Variants in MAP2K1 observed in about 807,000 individuals in gnomAD.
MAP2K1 encodes the protein mitogen-activated protein kinase kinase 1, also known as dual specificity mitogen-activated protein kinase kinase 1.
A neutral mutation model predicts 46.3 loss-of-function variants in MAP2K1; 16 were observed. That is an observed-to-expected ratio of 0.35 (90% CI 0.23 to 0.52). MAP2K1 has a LOEUF of 0.52. Among genes scored for constraint, MAP2K1 ranks in the 20% least tolerant of loss-of-function variants. MAP2K1 has a pLI of 0.94. For missense variants in MAP2K1, 263 were observed against 497.1 expected (o/e 0.53, Z 4.48); for synonymous variants, 183 against 185.6 (o/e 0.99, Z 0.11).
At chr15:66,490,401 AG>A (rs1165914393) in intron 10 of MAP2K1, 100 bp from the exon 11 acceptor site, 1 of 885,384 alleles carries the variant, frequency 1.1e-6, no homozygotes, top group African/African-American at 1.6e-5. Context: ...TTCCAAGTGC[AG>A]CACAAGCTCT....
chr15:66,482,698 AGG>A (rs1034629446), intron 6 of MAP2K1, among the ~76,000 whole-genome samples: 1 of 152,150 alleles, frequency 6.6e-6, no homozygotes, highest in Non-Finnish European at 1.5e-5. Flanking sequence ...GGCATGTGGT[AGG>A]TGTTCAGGGA....
At chr15:66,404,797 AAATC>A (rs1161949080) in intron 1 of MAP2K1, among the ~76,000 whole-genome samples, 1 of 152,094 alleles carries the variant, frequency 6.6e-6, no homozygotes, top group Non-Finnish European at 1.5e-5. Flanking sequence ...TGGTGAGCGG[AAATC>A]AGTGGTTCCT....
intron 4 of MAP2K1, 96 bp from the exon 5 acceptor site, chr15:66,444,560 T>A (rs1259783260): frequency 4.2e-6 from 4 of 949,282 alleles, no homozygotes; most frequent in South Asian, 2.6e-5. Context: ...TTTGTGATGA[T>A]GATAAATGAA....
At chr15:66,451,986 A>C (rs1178991028) in intron 5 of MAP2K1, among the ~76,000 whole-genome samples, 3 of 24,594 alleles carry the variant, frequency 1.2e-4, no homozygotes, top group African/African-American at 4.1e-4. Context: ...TGTCCTTTGT[A>C]GGGACATGGA....
At chr15:66,486,764 G>A (rs908010712) in intron 7 of MAP2K1, among the ~76,000 whole-genome samples, 42 of 152,312 alleles carry the variant, frequency 2.8e-4, no homozygotes, top group African/African-American at 9.1e-4. Flanking sequence ...GAAAGCAGAG[G>A]GGGCTAGAGG....
rs916502006 is a variant in MAP2K1 at position 66,387,390 on chromosome 15, C to T, written c.43C>T (p.Pro15Ser). Residue 15 changes from proline (P) to serine (S), a missense_variant, in exon 1 of 11, where the codon CCC becomes TCC. Around this residue, in one of 4 missense-constraint regions of MAP2K1, gnomAD observed 31 missense variants for 29.9 expected, o/e 1.04. Coordinates refer to ENST00000307102, the MANE Select transcript of MAP2K1 (RefSeq NM_002755.4). ...KPTPIQLNPA[P>S]DGSAVNGTSS... ...GACGCCCATCCAGCTGAACCCGGCC[C>T]CCGACGGCTCTGCAGTTAACGGGAC... is the stretch of plus-strand genomic sequence containing the variant. 6.4e-7 allele frequency: 1 copy of T among 1,566,126 alleles called. No homozygotes were observed. Among genetic ancestry groups the T allele is most frequent in the Non-Finnish European group, 8.7e-7 (1 of 1,154,648 alleles).
intron 1 of MAP2K1, among the ~76,000 whole-genome samples, chr15:66,399,281 A>G (rs2093375877): frequency 6.6e-6 from 1 of 152,216 alleles, no homozygotes; most frequent in Non-Finnish European, 1.5e-5. Flanking sequence ...GTATGTTTGA[A>G]AAAAATTTGT....
chr15:66,489,453 A>G (rs2140683626), intron 9 of MAP2K1, 177 bp downstream of exon 9: 1 of 694,868 alleles, frequency 1.4e-6, no homozygotes, highest in Non-Finnish European at 2.6e-6. Flanking sequence ...CTTATGTGGC[A>G]TGTCTAACTA....
intron 1 of MAP2K1, among the ~76,000 whole-genome samples, chr15:66,410,923 A>G (rs1414764724): frequency 2.0e-5 from 3 of 152,318 alleles, no homozygotes; most frequent in East Asian, 1.9e-4. Context: ...TTGATGTCCC[A>G]TCTCCCGCCC....
chr15:66,436,600 T>A, intron 2 of MAP2K1, 146 bp from the exon 3 acceptor site: 1 of 791,662 alleles, frequency 1.3e-6, no homozygotes, highest in Non-Finnish European at 2.2e-6. Context: ...ACTCATTTCT[T>A]GGTTGAGCAG....
At chr15:66,434,562 A>G (rs2093482605) in intron 1 of MAP2K1, among the ~76,000 whole-genome samples, 1 of 152,202 alleles carries the variant, frequency 6.6e-6, no homozygotes, top group Non-Finnish European at 1.5e-5. Flanking sequence ...GATTACATTG[A>G]AAATGAGGAT....
At chr15:66,435,320 A>T in intron 2 of MAP2K1, 83 bp downstream of exon 2, 3 of 1,064,706 alleles carry the variant, frequency 2.8e-6, no homozygotes, top group Non-Finnish European at 4.3e-6. Context: ...AGGAAGACTG[A>T]TTTTACTCAA....
In MAP2K1 at chr15:66,411,765, G is replaced by GAT. The variant is rs531054656; in HGVS notation, c.81-23253_81-23252dup. 4.2e-3 allele frequency among the ~76,000 whole-genome samples: 636 copies of GAT among 152,254 alleles called. 2 individuals carry two copies. Among genetic ancestry groups the GAT allele is most frequent in the Non-Finnish European group, 6.7e-3 (457 of 67,998 alleles). Reference sequence around the variant, plus strand: ...TAACCAAGGATAAGTCAGAAGAAAAGATATATATATGTATATTAGAAAAGT... The same window carrying GAT: ...TAACCAAGGATAAGTCAGAAGAAAAGATATATATATATGTATATTAGAAAAGT... On this transcript the variant is annotated intron_variant, in intron 1 of 10. Coordinates refer to ENST00000307102, the MANE Select transcript of MAP2K1 (RefSeq NM_002755.4).
At chr15:66,467,778 C>G (rs1892503620) in intron 5 of MAP2K1, among the ~76,000 whole-genome samples, 1 of 152,210 alleles carries the variant, frequency 6.6e-6, no homozygotes, top group Admixed American at 6.5e-5. Flanking sequence ...TCAGGCTGGT[C>G]TTGAACTTCT....
intron 1 of MAP2K1, among the ~76,000 whole-genome samples, chr15:66,399,512 G>C (rs1276623677): frequency 6.6e-6 from 1 of 151,938 alleles, no homozygotes; most frequent in African/African-American, 2.4e-5. Flanking sequence ...GCGCAGTGGT[G>C]TGGATCGTGG....
intron 1 of MAP2K1, among the ~76,000 whole-genome samples, chr15:66,397,362 T>G (rs1449471023): frequency 6.6e-6 from 1 of 152,166 alleles, no homozygotes; most frequent in Non-Finnish European, 1.5e-5. Context: ...GAGCCTAGTT[T>G]TCCTCATTAG....
chr15:66,423,286 C>T (rs2093448164), intron 1 of MAP2K1, among the ~76,000 whole-genome samples: 2 of 152,110 alleles, frequency 1.3e-5, no homozygotes, highest in African/African-American at 4.8e-5. Context: ...ATGTTGTCAC[C>T]TTTAACATAT....
intron 5 of MAP2K1, among the ~76,000 whole-genome samples, chr15:66,454,145 C>A (rs1031800163): frequency 6.6e-6 from 1 of 152,218 alleles, no homozygotes; most frequent in Admixed American, 6.5e-5. Flanking sequence ...AACCCTACTA[C>A]TTAAGTACCC....
Position 66,486,963 on chromosome 15 carries a change from T to C in MAP2K1, c.896-265T>C, listed in dbSNP as rs148765551. The stretch of plus-strand genomic sequence containing the variant: ...GGGGAAAGGACAGACATAATTATTA[T>C]GTCTCTGCTTTACAAAACTCAGAAC... On this transcript the variant is annotated intron_variant, in intron 7 of 10. Coordinates refer to ENST00000307102, the MANE Select transcript of MAP2K1 (RefSeq NM_002755.4). Among the ~76,000 whole-genome samples, 3 of 152,378 alleles carry C rather than the reference T, an allele frequency of 2.0e-5. No individual in the cohort carries two copies. The East Asian group carries it at 5.8e-4, about 29-fold the overall frequency.
Sources: gnomAD v4.1 joint callset for allele counts (sites outside exome capture counted in the v4.1 genomes callset) on GRCh38, gnomAD v4.1.1 for gene constraint, gnomAD v4.1.1 regional missense constraint, MANE v1.5 for transcripts, NCBI Gene and HGNC (gene_info 2026-07-23, HGNC 2026-07-21) for gene names.